Variants in SPPL3 observed in about 807,000 individuals in gnomAD.
The protein encoded by SPPL3 is signal peptide peptidase like 3.
SPPL3 carries 5 observed loss-of-function variants against 42.4 expected under a neutral mutation model. That is an observed-to-expected ratio of 0.12 (90% CI 0.06 to 0.25). SPPL3 has a LOEUF of 0.25. Ranked by LOEUF, SPPL3 falls within the 10% of genes least tolerant of loss-of-function variation. The pLI is 1.00. For missense variants in SPPL3, 235 were observed against 489.0 expected, an observed-to-expected ratio of 0.48 and a Z score of 4.90; for synonymous variants, 195 against 181.8, an observed-to-expected ratio of 1.07 and a Z score of -0.58.
chr12:120,773,572 C>A lies in SPPL3; in HGVS notation c.503-4513G>T, dbSNP rs528773206. Among the ~76,000 whole-genome samples the A allele has an allele frequency of 9.2e-5, 14 of 152,276 alleles. No individual in the cohort carries two copies. In the South Asian group the frequency reaches 2.7e-3, roughly 29 times the overall value. On this transcript the variant is annotated intron_variant, in intron 6 of 10. Coordinates refer to ENST00000353487, the MANE Select transcript of SPPL3 (RefSeq NM_139015.5). ...CTGAACAGAGAAGCAAGAGGCCAGG[C>A]TCCTCGGGGTAAGTTTATTCGCCTC...
chr12:120,874,684 GGA>G (rs1170262762), intron 1 of SPPL3, among the ~76,000 whole-genome samples: 3 of 152,032 alleles, frequency 2.0e-5, no homozygotes, highest in African/African-American at 7.2e-5. Context: ...ATGTCACACT[GGA>G]AGCAGAGCAT....
chr12:120,900,772 A>T (rs1023136489), intron 1 of SPPL3, among the ~76,000 whole-genome samples: 7 of 151,684 alleles, frequency 4.6e-5, no homozygotes, highest in African/African-American at 1.5e-4. Context: ...TAAATAAATA[A>T]ACTAGCAGAC....
chr12:120,872,017 C>T (rs1178925731), intron 1 of SPPL3, among the ~76,000 whole-genome samples: 1 of 152,150 alleles, frequency 6.6e-6, no homozygotes, highest in East Asian at 1.9e-4. Context: ...TGAGTATGTC[C>T]TTTGAGCATC....
chr12:120,794,581 A>C (rs1242128021), intron 2 of SPPL3, among the ~76,000 whole-genome samples: 1 of 152,054 alleles, frequency 6.6e-6, no homozygotes, highest in African/African-American at 2.4e-5. Flanking sequence ...TATTTTTAGT[A>C]GAGACGGGGT....
At chr12:120,900,081 T>C (rs866200647) in intron 1 of SPPL3, among the ~76,000 whole-genome samples, 8 of 152,016 alleles carry the variant, frequency 5.3e-5, no homozygotes, top group African/African-American at 1.9e-4. Context: ...AATTTAAACA[T>C]GTAAAAGTCA....
At chr12:120,886,844 T>C (rs1274149720) in intron 1 of SPPL3, among the ~76,000 whole-genome samples, 2 of 152,288 alleles carry the variant, frequency 1.3e-5, no homozygotes, top group Non-Finnish European at 2.9e-5. Flanking sequence ...CACTGTTCAA[T>C]ATGGGAGCTG....
intron 1 of SPPL3, among the ~76,000 whole-genome samples, chr12:120,864,157 C>G (rs1223577780): frequency 1.3e-5 from 2 of 152,176 alleles, no homozygotes; most frequent in Non-Finnish European, 2.9e-5. Flanking sequence ...GTTGTGAGCT[C>G]TTCAAAATGC....
chr12:120,885,186 G>A (rs1375137348), intron 1 of SPPL3, among the ~76,000 whole-genome samples: 2 of 152,108 alleles, frequency 1.3e-5, no homozygotes, highest in Non-Finnish European at 2.9e-5. Flanking sequence ...TGAAGCTAAT[G>A]AACAAGTGTC....
chr12:120,903,730 G>GCGCCCCCCCCCCCC, intron 1 of SPPL3, 115 bp downstream of exon 1: 1 of 283,088 alleles, frequency 3.5e-6, no homozygotes, highest in Non-Finnish European at 6.7e-6. Flanking sequence ...ACCCCAACCC[G>GCGCCCCCCCCCCCC]CGCCCCCCCC....
chr12:120,793,759 T>C (rs1455727536), intron 2 of SPPL3, among the ~76,000 whole-genome samples: 7 of 152,246 alleles, frequency 4.6e-5, no homozygotes, highest in Admixed American at 4.6e-4. Context: ...CAGCCTGGGC[T>C]AATGCAGATC....
intron 1 of SPPL3, chr12:120,845,589 A>C: frequency 2.1e-6 from 1 of 472,448 alleles, no homozygotes; most frequent in Non-Finnish European, 4.1e-6. Flanking sequence ...CAGGCCCACC[A>C]TGAGGATGCA....
chr12:120,890,139 T>C (rs1210473997), intron 1 of SPPL3, among the ~76,000 whole-genome samples: 1 of 151,858 alleles, frequency 6.6e-6, no homozygotes, highest in African/African-American at 2.4e-5. Context: ...TCCCAACTAT[T>C]GGGGAAAGCT....
chr12:120,871,228 A>T (rs1047762495), intron 1 of SPPL3, among the ~76,000 whole-genome samples: 2 of 151,998 alleles, frequency 1.3e-5, no homozygotes, highest in Non-Finnish European at 2.9e-5. Context: ...CAGTACATTT[A>T]AAAACGATTA....
chr12:120,789,824 CAAA>C (rs3050392), intron 3 of SPPL3, among the ~76,000 whole-genome samples: 1,670 of 29,902 alleles, frequency 0.056, 3 homozygotes, highest in South Asian at 0.14. Flanking sequence ...GACTCCGTCT[CAAA>C]AAAAAAAAAA....
chr12:120,821,288 C>T (rs773061504), intron 1 of SPPL3, among the ~76,000 whole-genome samples: 2 of 152,240 alleles, frequency 1.3e-5, no homozygotes, highest in Non-Finnish European at 2.9e-5. Flanking sequence ...GAATTATCCT[C>T]TAAGACAGGT....
At chr12:120,819,532 G>C (rs1870984865) in intron 1 of SPPL3, among the ~76,000 whole-genome samples, 1 of 152,102 alleles carries the variant, frequency 6.6e-6, no homozygotes, top group African/African-American at 2.4e-5. Context: ...AGGCTCACTT[G>C]ATTCGTTTTT....
At chr12:120,870,927 A>G (rs1016395874) in intron 1 of SPPL3, among the ~76,000 whole-genome samples, 5 of 152,002 alleles carry the variant, frequency 3.3e-5, no homozygotes, top group African/African-American at 1.2e-4. Flanking sequence ...CAGGAGTTCA[A>G]GACCAGCCTA....
chr12:120,843,643 T>C (rs1871911708), intron 1 of SPPL3, among the ~76,000 whole-genome samples: 1 of 152,148 alleles, frequency 6.6e-6, no homozygotes, highest in African/African-American at 2.4e-5. Flanking sequence ...TCTTAGAAAG[T>C]CCAATGGTTT....
At chr12:120,855,178 A>G (rs1038871582) in intron 1 of SPPL3, among the ~76,000 whole-genome samples, 2 of 152,286 alleles carry the variant, frequency 1.3e-5, no homozygotes, top group African/African-American at 4.8e-5. Context: ...TCAGTGATTA[A>G]TCCTTGTACT....
Sources: gnomAD v4.1 joint callset for allele counts (sites outside exome capture counted in the v4.1 genomes callset) on GRCh38, gnomAD v4.1.1 for gene constraint, MANE v1.5 for transcripts, NCBI Gene and HGNC (gene_info 2026-07-23, HGNC 2026-07-21) for gene names.